The following GNG12 variants were observed in gnomAD, a reference collection of about 807,000 sequenced individuals.
GNG12 encodes the protein G protein subunit gamma 12, also known as guanine nucleotide-binding protein G(I)/G(S)/G(O) subunit gamma-12.
For synonymous variants in GNG12, 28 were observed against 29.7 expected, an observed-to-expected ratio of 0.94 and a Z score of 0.19; for missense variants, 69 against 83.8, an observed-to-expected ratio of 0.82 and a Z score of 0.69.
chr1:67,799,066 T>C (rs1646848876), intron 1 of GNG12, among the ~76,000 whole-genome samples: 1 of 152,242 alleles, frequency 6.6e-6, no homozygotes, highest in South Asian at 2.1e-4. Context: ...TTATGTAATA[T>C]ATATAACATA....
intron 2 of GNG12, among the ~76,000 whole-genome samples, chr1:67,738,711 T>C (rs1184330254): frequency 1.3e-5 from 2 of 152,184 alleles, no homozygotes; most frequent in South Asian, 2.1e-4. Context: ...AACCTGTCAC[T>C]ACAAAAAATT....
chr1:67,809,630 T>C (rs982364836), intron 1 of GNG12, among the ~76,000 whole-genome samples: 2 of 152,142 alleles, frequency 1.3e-5, no homozygotes, highest in African/African-American at 2.4e-5. Flanking sequence ...GACCTGAACA[T>C]ATACCTCACC....
chr1:67,706,454 C>T (rs966121475), intron 3 of GNG12, among the ~76,000 whole-genome samples: 154 of 152,174 alleles, frequency 1.0e-3, no homozygotes, highest in African/African-American at 3.3e-3. Flanking sequence ...GAATTAAACA[C>T]GGAAAATATC....
rs532864391 is a variant in GNG12 at position 67,714,979 on chromosome 1, G to A, written c.-26-7267C>T. On this transcript the variant is annotated intron_variant, in intron 2 of 3. Transcript: ENST00000370982. ...CTCTTGTTGCCCAGGCTGGAGTGCA[G>A]TGGCGCGATCTCGGCTCACTGCAGC... Among the ~76,000 whole-genome samples, 6 of 152,284 alleles carry A rather than the reference G, an allele frequency of 3.9e-5. No individual in the cohort carries two copies. In the East Asian group the frequency reaches 1.2e-3, roughly 29 times the overall value.
intron 2 of GNG12, among the ~76,000 whole-genome samples, chr1:67,761,546 A>T (rs1409213409): frequency 6.6e-6 from 1 of 152,216 alleles, no homozygotes; most frequent in African/African-American, 2.4e-5. Flanking sequence ...AACAGGGGGC[A>T]TCTTGTTCAA....
In GNG12 at chr1:67,705,333, G is replaced by C; in HGVS notation, c.*118C>G. On this transcript the variant is annotated 3_prime_UTR_variant, in exon 4 of 4. Coordinates refer to ENST00000370982, the MANE Select transcript of GNG12 (RefSeq NM_018841.6). ...GAGACTTCAGAGTCCATTATTCCAA[G>C]CTGAGAACATTTTAGTTATTAGCAG... The C allele has an allele frequency of 6.8e-7, 1 of 1,470,174 alleles. No homozygotes were observed. Among genetic ancestry groups the C allele is most frequent in the Non-Finnish European group, 9.0e-7 (1 of 1,107,026 alleles). 91.1% of individuals were successfully genotyped at this position (1,470,174 alleles called of 1,614,324 possible).
rs566236050 is a variant in GNG12 at position 67,779,980 on chromosome 1, G to C, written c.-76-2473C>G. ...ATAGAAAAGGTATAGTAAAAACATG[G>C]TATTATCATCTTTAAAATAGGTTGT... is the stretch of plus-strand genomic sequence containing the variant. On this transcript the variant is annotated intron_variant, in intron 1 of 3. Coordinates refer to ENST00000370982, the MANE Select transcript of GNG12 (RefSeq NM_018841.6). 7.2e-4 allele frequency among the ~76,000 whole-genome samples: 110 copies of C among 152,078 alleles called. 5 individuals carry two copies. The highest frequency in any genetic ancestry group is 2.2e-4 in the Non-Finnish European group (15 of 68,024).
intron 2 of GNG12, among the ~76,000 whole-genome samples, chr1:67,713,260 G>A (rs1163045583): frequency 2.6e-5 from 4 of 152,112 alleles, no homozygotes; most frequent in African/African-American, 7.2e-5. Flanking sequence ...ACTGCCAGTC[G>A]GATAACACTC....
chr1:67,719,507 C>T (rs1439889947), intron 2 of GNG12, among the ~76,000 whole-genome samples: 1 of 152,034 alleles, frequency 6.6e-6, no homozygotes, highest in Non-Finnish European at 1.5e-5. Context: ...TTATAGCCAC[C>T]GTCAAGCTTT....
chr1:67,703,253 T>A lies in GNG12; in HGVS notation c.*2198A>T, dbSNP rs1646226052. ...GAAATCTCCTGGGACCTCAAGTCCA[T>A]TTCTTACCACTATAAGCATATTAAC... On this transcript the variant is annotated 3_prime_UTR_variant, in exon 4 of 4. Coordinates refer to ENST00000370982, the MANE Select transcript of GNG12 (RefSeq NM_018841.6). The A allele has an allele frequency of 6.6e-6, 1 of 152,176 alleles. No homozygotes were observed. Among genetic ancestry groups the A allele is most frequent in the Admixed American group, 6.5e-5 (1 of 15,274 alleles). 9.4% of individuals were successfully genotyped at this position (152,176 alleles called of 1,614,324 possible). A position where few individuals can be genotyped will look rare whatever the true frequency, so the allele number is the denominator to read the frequency against.
intron 2 of GNG12, among the ~76,000 whole-genome samples, chr1:67,711,278 G>C (rs1646294056): frequency 6.6e-6 from 1 of 152,272 alleles, no homozygotes; most frequent in East Asian, 1.9e-4. Flanking sequence ...TCAGTTCTAT[G>C]GCTGGGCTAC....
chr1:67,811,852 T>C (rs929538039), intron 1 of GNG12, among the ~76,000 whole-genome samples: 4 of 151,908 alleles, frequency 2.6e-5, no homozygotes, highest in Non-Finnish European at 4.4e-5. Flanking sequence ...GTTTGAAAAC[T>C]ATTGATGTAG....
At chr1:67,732,159 T>A (rs1019216476) in intron 2 of GNG12, among the ~76,000 whole-genome samples, 1 of 152,168 alleles carries the variant, frequency 6.6e-6, no homozygotes, top group Non-Finnish European at 1.5e-5. Context: ...ATGACAGACA[T>A]CTAGAGGAAA....
At chr1:67,715,755 T>C (rs571320600) in intron 2 of GNG12, among the ~76,000 whole-genome samples, 8 of 152,358 alleles carry the variant, frequency 5.3e-5, no homozygotes, top group Non-Finnish European at 2.9e-5. Context: ...TTGAAGCTCA[T>C]TCTGCTAACT....
In GNG12 at chr1:67,717,494, C is replaced by T. The variant is rs952754315; in HGVS notation, c.-26-9782G>A. Among the ~76,000 whole-genome samples, 7 of 147,264 alleles carry T rather than the reference C, an allele frequency of 4.8e-5. 1 individual carries two copies. The highest frequency in any genetic ancestry group is 4.3e-4 in the South Asian group (2 of 4,664). ...TTGCACCATTGCACTCCAGCCTGGGCGACAAAGTGAGACTCTGTCAAAAAA... is the reference window on the plus strand; with the variant it reads ...TTGCACCATTGCACTCCAGCCTGGGTGACAAAGTGAGACTCTGTCAAAAAA... On this transcript the variant is annotated intron_variant, in intron 2 of 3. Transcript: ENST00000370982.
chr1:67,789,353 A>T (rs1646787993), intron 1 of GNG12, among the ~76,000 whole-genome samples: 1 of 152,230 alleles, frequency 6.6e-6, no homozygotes, highest in South Asian at 2.1e-4. Flanking sequence ...TTAGCTTTCG[A>T]TGAAAAGATA....
chr1:67,810,880 A>G (rs889347250), intron 1 of GNG12, among the ~76,000 whole-genome samples: 3 of 152,214 alleles, frequency 2.0e-5, no homozygotes, highest in African/African-American at 7.2e-5. Flanking sequence ...GAAATACTCT[A>G]AAAGGTTTTT....
At chr1:67,753,688 A>G (rs1052042378) in intron 2 of GNG12, among the ~76,000 whole-genome samples, 1 of 152,178 alleles carries the variant, frequency 6.6e-6, no homozygotes, top group Non-Finnish European at 1.5e-5. Context: ...CCCACACTGG[A>G]CTGTGCTCTG....
At chr1:67,818,560 C>G (rs1417059121) in intron 1 of GNG12, among the ~76,000 whole-genome samples, 1 of 151,496 alleles carries the variant, frequency 6.6e-6, no homozygotes, top group Non-Finnish European at 1.5e-5. Context: ...AAATGATGGT[C>G]AAATTGCTAT....
Sources: gnomAD v4.1 joint callset for allele counts (sites outside exome capture counted in the v4.1 genomes callset) on GRCh38, gnomAD v4.1.1 for gene constraint, MANE v1.5 for transcripts, NCBI Gene and HGNC (gene_info 2026-07-23, HGNC 2026-07-21) for gene names.